ALOX12: variants seen among roughly 807,000 people sequenced by gnomAD.
The protein encoded by ALOX12 is arachidonate 12-lipoxygenase, 12S type.
In ALOX12, 62 loss-of-function variants were observed where a neutral mutation model predicts 85.5. That is an observed-to-expected ratio of 0.73 (90% CI 0.59 to 0.90). The LOEUF (loss-of-function observed/expected upper bound fraction) is 0.90. Among genes scored for constraint, ALOX12 ranks in the 40% least tolerant of loss-of-function variants. The probability of loss-of-function intolerance (pLI) is 0.00; values close to 1 mark genes in which losing one functional copy is unlikely to be tolerated. For synonymous variants in ALOX12, 299 were observed against 332.7 expected, an observed-to-expected ratio of 0.90 and a Z score of 1.10; for missense variants, 751 against 856.5, an observed-to-expected ratio of 0.88 and a Z score of 1.54.
Position 7,006,056 on chromosome 17 carries a change from GGGCC to G in ALOX12, c.1418+32_1418+35del, listed in dbSNP as rs765143602. On this transcript the variant is annotated intron_variant, in intron 10 of 13. Coordinates refer to ENST00000251535, the MANE Select transcript of ALOX12 (RefSeq NM_000697.3). ...AGTAAGGAGGAGCTGAGAAATGGTG[GGGCC>G]GGGGGGGGGGGGGGCTCTGGCCTGA... is the stretch of plus-strand genomic sequence containing the variant. 2.3e-4 allele frequency: 49 copies of G among 214,826 alleles called. 6 individuals are homozygous for G. Among genetic ancestry groups the G allele is most frequent in the Middle Eastern group, 2.1e-3 (2 of 972 alleles). 13.3% of individuals were successfully genotyped at this position (214,826 alleles called of 1,614,324 possible).
chr17:7,005,219 C>G, intron 8 of ALOX12, 38 bp from the exon 9 acceptor site: 2 of 1,574,754 alleles, frequency 1.3e-6, no homozygotes, highest in Non-Finnish European at 1.7e-6. Context: ...CCAAGCATGG[C>G]CTCCACCAGT....
chr17:7,006,691 C>A lies in ALOX12; in HGVS notation c.1540+84C>A. 4.7e-6 allele frequency: 7 copies of A among 1,490,724 alleles called. 1 individual carries two copies. In the South Asian group the frequency reaches 9.5e-5, roughly 20 times the overall value. 92.3% of individuals were successfully genotyped at this position (1,490,724 alleles called of 1,614,324 possible). ...CAGCCCTGCCCTTCTGGGGACAGGA[C>A]CCCAGCCTCTCATCACGCCTCCCTT... On this transcript the variant is annotated intron_variant, in intron 11 of 13. Transcript: ENST00000251535.
At chr17:7,009,654 C>A in intron 11 of ALOX12, 93 bp from the exon 12 acceptor site, 1 of 1,069,730 alleles carries the variant, frequency 9.3e-7, no homozygotes, top group Non-Finnish European at 1.4e-6. Context: ...TAAACAAATT[C>A]ATCAATTCTA....
chr17:7,002,047 G>C (rs1908738499), intron 8 of ALOX12: 3 of 545,248 alleles, frequency 5.5e-6, no homozygotes, highest in Non-Finnish European at 9.8e-6. Flanking sequence ...TGCGCTCACA[G>C]TAGGGCTTGA....
intron 1 of ALOX12, 63 bp from the exon 2 acceptor site, chr17:6,996,763 G>A: frequency 6.5e-7 from 1 of 1,539,392 alleles, no homozygotes; most frequent in South Asian, 1.2e-5. Flanking sequence ...GCGCGGCTCT[G>A]TCCTCGAAAC....
At position 6,999,342 on chromosome 17, in the gene ALOX12, T is replaced by G. The variant is rs1450394036; in HGVS notation, c.683T>G (p.Phe228Cys). 11 of 1,614,214 alleles carry G rather than the reference T, an allele frequency of 6.8e-6. No homozygotes were observed. The highest frequency in any genetic ancestry group is 9.3e-6 in the Non-Finnish European group (11 of 1,180,026). Residue 228 changes from phenylalanine to cysteine, a missense_variant, in exon 6 of 14, where the codon TTC (phenylalanine) becomes TGC (cysteine). Transcript: ENST00000251535. ...VRQCWQDDEL[F>C]SYQFLNGANP... Reference sequence around the variant, plus strand: ...CAGTGCTGGCAGGATGATGAGTTGTTCAGCTACCAGTTCCTCAATGGTGCC... The same window carrying G: ...CAGTGCTGGCAGGATGATGAGTTGTGCAGCTACCAGTTCCTCAATGGTGCC...
chr17:7,004,468 A>G (rs1314284003), intron 8 of ALOX12, among the ~76,000 whole-genome samples: 3 of 146,604 alleles, frequency 2.0e-5, no homozygotes, highest in African/African-American at 7.4e-5. Context: ...ATATTAAATT[A>G]AAATTTTAAT....
chr17:7,001,409 G>C (rs1908703804), intron 7 of ALOX12, 193 bp from the exon 8 acceptor site: 1 of 616,594 alleles, frequency 1.6e-6, no homozygotes, highest in Non-Finnish European at 2.8e-6. Context: ...CCTTCTTCCA[G>C]TCCCTCCTGC....
intron 9 of ALOX12, among the ~76,000 whole-genome samples, 186 bp from the exon 10 acceptor site, chr17:7,005,672 G>C (rs1909006264): frequency 1.3e-5 from 2 of 151,582 alleles, no homozygotes; most frequent in South Asian, 4.2e-4. Flanking sequence ...GTAGAGATGG[G>C]GTTTCACTGT....
chr17:7,002,597 G>A, intron 8 of ALOX12: 1 of 447,416 alleles, frequency 2.2e-6, no homozygotes, highest in South Asian at 1.6e-5. Context: ...AGACCAGCCT[G>A]GGCAACACAG....
chr17:7,009,331 C>T (rs995387099), intron 11 of ALOX12, among the ~76,000 whole-genome samples: 24 of 152,178 alleles, frequency 1.6e-4, no homozygotes, highest in African/African-American at 5.3e-4. Context: ...AGTGCTGGGA[C>T]TACAGGCGTG....
In ALOX12 at chr17:6,998,988, T is replaced by C; in HGVS notation, c.578T>C (p.Leu193Pro). 1 of 1,614,128 alleles carries C rather than the reference T, an allele frequency of 6.2e-7. No homozygotes were observed. Residue 193 changes from leucine (L) to proline (P), a missense_variant, in exon 5 of 14, where the codon CTC becomes CCC. Coordinates refer to ENST00000251535, the MANE Select transcript of ALOX12 (RefSeq NM_000697.3). ...LEMALKRVYT[L>P]LSSWNCLEDF... ...ATGGCCCTCAAACGTGTTTACACCC[T>C]CCTGAGCTCCTGGAACTGCCTAGAA...
intron 8 of ALOX12, chr17:7,002,663 A>G (rs1018322890): frequency 2.8e-6 from 1 of 363,430 alleles, no homozygotes; most frequent in East Asian, 7.8e-5. Flanking sequence ...TAATTTTATA[A>G]AACAGTGAGT....
At chr17:7,008,598 T>C (rs963944481) in intron 11 of ALOX12, among the ~76,000 whole-genome samples, 13 of 152,040 alleles carry the variant, frequency 8.6e-5, no homozygotes, top group African/African-American at 3.1e-4. Context: ...ATACAAAAAT[T>C]AGCTGGGCAT....
At position 7,006,604 on chromosome 17, in the gene ALOX12, C is replaced by A. The variant is rs775782843; in HGVS notation, c.1537C>A (p.Arg513=). 27 of 1,600,708 alleles carry A rather than the reference C, an allele frequency of 1.7e-5. No individual in the cohort carries two copies. Among genetic ancestry groups the A allele is most frequent in the Non-Finnish European group, 2.0e-5 (24 of 1,173,096 alleles). Residue 513 remains arginine (R), a synonymous_variant, in exon 11 of 14, where the codon CGA becomes AGA. Coordinates refer to ENST00000251535, the MANE Select transcript of ALOX12 (RefSeq NM_000697.3). ...TEVGLCQAQD[R]GFPVSFQSQS... is the part of the protein sequence containing the mutation. ...GGTGGGGCTGTGCCAGGCCCAGGACCGAGGTAAGATCCATTCTAGAGACAG... is the reference window on the plus strand; with the variant it reads ...GGTGGGGCTGTGCCAGGCCCAGGACAGAGGTAAGATCCATTCTAGAGACAG...
Position 6,999,452 on chromosome 17 carries a change from G to A in ALOX12, c.793G>A (p.Glu265Lys). 2 of 1,614,122 alleles carry A rather than the reference G, an allele frequency of 1.2e-6. No individual in the cohort carries two copies. The highest frequency in any genetic ancestry group is 1.7e-6 in the Non-Finnish European group (2 of 1,179,976). Residue 265 changes from glutamate to lysine, a missense_variant, in exon 6 of 14, where the codon GAG becomes AAG. Glu to Lys is a moderately conservative substitution (Grantham distance 56). Transcript: ENST00000251535. ...SGMEELQAQL[E>K]KELQNGSLFE... ...GATGGAAGAGCTTCAGGCTCAACTGGAGAAAGAACTTCAGGTACCTCTCCT... is the reference window on the plus strand; with the variant it reads ...GATGGAAGAGCTTCAGGCTCAACTGAAGAAAGAACTTCAGGTACCTCTCCT...
chr17:7,001,985 T>A, intron 8 of ALOX12, 174 bp downstream of exon 8: 1 of 620,796 alleles, frequency 1.6e-6, no homozygotes, highest in Non-Finnish European at 2.8e-6. Context: ...TTTAGTCACT[T>A]AACATTATAT....
chr17:7,009,062 GTTT>G (rs1177619889), intron 11 of ALOX12, among the ~76,000 whole-genome samples: 1 of 134,618 alleles, frequency 7.4e-6, no homozygotes, highest in Non-Finnish European at 1.6e-5. Context: ...CCCTCAATTG[GTTT>G]TTTTTTTTTT....
Position 6,999,400 on chromosome 17 carries a change from G to A in ALOX12, c.741G>A (p.Leu247=). ...NPMLLRRSTS[L]PSRLVLPSGM... ...TGCTGTTGAGACGCTCGACCTCTCT[G>A]CCCTCCAGGCTAGTGCTGCCCTCGG... Residue 247 remains leucine (L), a synonymous_variant, in exon 6 of 14, where the codon CTG becomes CTA. Coordinates refer to ENST00000251535, the MANE Select transcript of ALOX12 (RefSeq NM_000697.3). 2 of 1,614,192 alleles carry A rather than the reference G, an allele frequency of 1.2e-6. No individual in the cohort carries two copies. Among genetic ancestry groups the A allele is most frequent in the Non-Finnish European group, 1.7e-6 (2 of 1,180,010 alleles).
Sources: gnomAD v4.1 joint callset for allele counts (sites outside exome capture counted in the v4.1 genomes callset) on GRCh38, gnomAD v4.1.1 for gene constraint, MANE v1.5 for transcripts, NCBI Gene and HGNC (gene_info 2026-07-23, HGNC 2026-07-21) for gene names.